Variants in GRIA4 observed in about 807,000 individuals in gnomAD.
The protein encoded by GRIA4 is glutamate ionotropic receptor AMPA type subunit 4.
GRIA4 carries 34 observed loss-of-function variants against 104.0 expected under a neutral mutation model. The ratio of observed to expected loss-of-function variants is 0.33; its 90% CI spans 0.25 to 0.44. The LOEUF is 0.44. Among genes scored for constraint, GRIA4 ranks in the 20% least tolerant of loss-of-function variants. GRIA4 has a pLI of 1.00. For missense variants in GRIA4, 750 were observed against 1,096.5 expected (o/e 0.68, Z 4.46); for synonymous variants, 386 against 381.9 (o/e 1.01, Z -0.13).
At chr11:105,882,346 A>G (rs1161459823) in intron 5 of GRIA4, among the ~76,000 whole-genome samples, 1 of 152,232 alleles carries the variant, frequency 6.6e-6, no homozygotes, top group African/African-American at 2.4e-5. Flanking sequence ...GTTCAATAGA[A>G]TGATCACAGC....
intron 15 of GRIA4, among the ~76,000 whole-genome samples, chr11:105,972,541 G>T (rs979546593): frequency 6.6e-6 from 1 of 152,066 alleles, no homozygotes. Context: ...TGCTGATAGA[G>T]AAACAGAGTG....
At chr11:105,879,105 C>T (rs1048345981) in intron 5 of GRIA4, among the ~76,000 whole-genome samples, 8 of 152,038 alleles carry the variant, frequency 5.3e-5, no homozygotes, top group Non-Finnish European at 8.8e-5. Flanking sequence ...CACCATCCCT[C>T]ATGGCACATT....
chr11:105,842,682 A>T (rs987681338), intron 4 of GRIA4: 7 of 152,184 alleles, frequency 4.6e-5, no homozygotes, highest in Non-Finnish European at 8.8e-5. Context: ...ACACACTCTT[A>T]ATCTTTTTAA....
chr11:105,826,045 A>C (rs1943758819), intron 4 of GRIA4, among the ~76,000 whole-genome samples: 1 of 151,968 alleles, frequency 6.6e-6, no homozygotes, highest in African/African-American at 2.4e-5. Context: ...ACAAAGCCTT[A>C]AACATTTGAT....
At chr11:105,731,353 G>A (rs539670565) in intron 3 of GRIA4, among the ~76,000 whole-genome samples, 7 of 152,126 alleles carry the variant, frequency 4.6e-5, no homozygotes, top group Non-Finnish European at 8.8e-5. Flanking sequence ...TTAGAATGGC[G>A]ATCATTAAAA....
At chr11:105,649,229 TAATAG>T (rs1022498570) in intron 3 of GRIA4, among the ~76,000 whole-genome samples, 1 of 152,148 alleles carries the variant, frequency 6.6e-6, no homozygotes, top group African/African-American at 2.4e-5. Context: ...TAATATATTA[TAATAG>T]ATCAGAGAGT....
chr11:105,741,744 A>C (rs1939322437), intron 3 of GRIA4, among the ~76,000 whole-genome samples: 1 of 152,106 alleles, frequency 6.6e-6, no homozygotes, highest in Admixed American at 6.6e-5. Flanking sequence ...TTATCCAATC[A>C]TTTGTGTGTT....
chr11:105,670,673 T>C (rs930042183), intron 3 of GRIA4, among the ~76,000 whole-genome samples: 21 of 152,140 alleles, frequency 1.4e-4, no homozygotes, highest in African/African-American at 5.1e-4. Flanking sequence ...GCTGAACTGG[T>C]AGTAACTAGG....
intron 13 of GRIA4, among the ~76,000 whole-genome samples, chr11:105,932,170 A>G (rs1483950738): frequency 6.6e-6 from 1 of 151,354 alleles, no homozygotes; most frequent in African/African-American, 2.4e-5. Flanking sequence ...ATGGAGTCTC[A>G]CTTTGTCACC....
chr11:105,974,640 T>C, intron 16 of GRIA4, 196 bp downstream of exon 16: 1 of 1,323,324 alleles, frequency 7.6e-7, no homozygotes, highest in South Asian at 1.4e-5. Flanking sequence ...GTGGTGGTAT[T>C]GCTTGCTTCT....
intron 3 of GRIA4, among the ~76,000 whole-genome samples, chr11:105,682,557 C>T (rs1952744829): frequency 6.6e-6 from 1 of 152,198 alleles, no homozygotes; most frequent in Non-Finnish European, 1.5e-5. Context: ...ATTAAAGCAA[C>T]TAGCAACCAA....
intron 4 of GRIA4, among the ~76,000 whole-genome samples, chr11:105,810,758 C>T (rs1355961922): frequency 1.3e-5 from 2 of 152,074 alleles, no homozygotes; most frequent in Admixed American, 6.6e-5. Context: ...ATAATCCCCC[C>T]ACCCCACCCT....
chr11:105,658,194 T>C (rs1951900983), intron 3 of GRIA4, among the ~76,000 whole-genome samples: 2 of 151,810 alleles, frequency 1.3e-5, no homozygotes, highest in Admixed American at 6.6e-5. Context: ...ATTATTGAAA[T>C]AGGTATAGAA....
In GRIA4 at chr11:105,797,908, T is replaced by C. The variant is rs182976079; in HGVS notation, c.487+44688T>C. ...TGATTCAAATTTAAACAATGGAAATTACATACATTTTTGGAATGAGCTGAT... is the reference window on the plus strand; with the variant it reads ...TGATTCAAATTTAAACAATGGAAATCACATACATTTTTGGAATGAGCTGAT... On this transcript the variant is annotated intron_variant, in intron 4 of 16. Transcript: ENST00000282499. 77 of 417,344 alleles carry C rather than the reference T, an allele frequency of 1.8e-4. 1 individual carries two copies. The East Asian group carries it at 4.9e-3, about 27-fold the overall frequency. 25.9% of individuals were successfully genotyped at this position (417,344 alleles called of 1,614,324 possible). A position where few individuals can be genotyped will look rare whatever the true frequency, so the allele number is the denominator to read the frequency against.
rs150069722 is a variant in GRIA4 at position 105,772,761 on chromosome 11, C to T, written c.487+19541C>T. 7.3e-3 allele frequency among the ~76,000 whole-genome samples: 1,112 copies of T among 151,944 alleles called. 13 individuals are homozygous for T. The highest frequency in any genetic ancestry group is 0.012 in the Non-Finnish European group (804 of 67,966). ...GGTAAATTTGTGTAAAGAATATATA[C>T]GTCTTTCTTGTATTATATTTATTTT... On this transcript the variant is annotated intron_variant, in intron 4 of 16. Coordinates refer to ENST00000282499, the MANE Select transcript of GRIA4 (RefSeq NM_000829.4).
rs138519460 is a variant in GRIA4 at position 105,959,519 on chromosome 11, T to G, written c.2295-12395T>G. ...CAATTCCTCTAACCTTTATCAAGGTTCTTAGCTTCTTTGCATTGGGTTAAA... is the reference window on the plus strand; with the variant it reads ...CAATTCCTCTAACCTTTATCAAGGTGCTTAGCTTCTTTGCATTGGGTTAAA... On this transcript the variant is annotated intron_variant, in intron 14 of 16. Transcript: ENST00000282499. Among the ~76,000 whole-genome samples, 760 of 152,304 alleles carry G rather than the reference T, an allele frequency of 5.0e-3. 5 individuals carry two copies. The highest frequency in any genetic ancestry group is 0.017 in the African/African-American group (698 of 41,558).
intron 16 of GRIA4, 35 bp from the exon 17 acceptor site, chr11:105,979,540 C>G: frequency 6.3e-7 from 1 of 1,596,090 alleles, no homozygotes; most frequent in Non-Finnish European, 8.6e-7. Context: ...TGGTAACACT[C>G]CGCGTTCTTT....
chr11:105,764,550 T>C (rs1762685998), intron 4 of GRIA4, among the ~76,000 whole-genome samples: 1 of 152,138 alleles, frequency 6.6e-6, no homozygotes, highest in South Asian at 2.1e-4. Context: ...TATTCAGTCT[T>C]AAAAATACCC....
chr11:105,909,323 T>C (rs1947150494), intron 9 of GRIA4, among the ~76,000 whole-genome samples: 2 of 152,168 alleles, frequency 1.3e-5, no homozygotes, highest in Admixed American at 6.5e-5. Flanking sequence ...TACAGACCAG[T>C]GAGCAAATGC....
Sources: allele counts gnomAD v4.1 joint callset (sites outside exome capture counted in the v4.1 genomes callset), GRCh38; gene constraint gnomAD v4.1.1; transcripts MANE v1.5; gene names NCBI Gene and HGNC (gene_info 2026-07-23, HGNC 2026-07-21).